Variants in GALK1 observed in about 807,000 individuals in gnomAD.
GALK1 encodes the protein galactokinase.
In GALK1, 30 loss-of-function variants were observed where a neutral mutation model predicts 38.6. The ratio of observed to expected loss-of-function variants is 0.78; its 90% CI spans 0.58 to 1.05. GALK1 has a LOEUF of 1.05. Ranked by LOEUF, GALK1 falls within the 50% of genes least tolerant of loss-of-function variation. GALK1 has a pLI of 0.00. For synonymous variants in GALK1, 240 were observed against 233.6 expected (o/e 1.03, Z -0.25); for missense variants, 512 against 540.5 (o/e 0.95, Z 0.52).
intron 5 of GALK1, among the ~76,000 whole-genome samples, chr17:75,760,133 G>A (rs1208921723): frequency 6.6e-6 from 1 of 152,034 alleles, no homozygotes; most frequent in Non-Finnish European, 1.5e-5. Flanking sequence ...TCACTTTGAG[G>A]CCCAGGCTGG....
At chr17:75,756,574 T>C (rs758775168), downstream of GALK1, 44 of 1,612,700 alleles carry the variant, frequency 2.7e-5, no homozygotes, top group Non-Finnish European at 3.7e-5. Flanking sequence ...TCATCACCAT[T>C]GAATCCCAGG....
Position 75,757,968 on chromosome 17 carries a change from C to G in GALK1, c.*88G>C. On this transcript the variant is annotated 3_prime_UTR_variant, in exon 8 of 8. Coordinates refer to ENST00000588479, the MANE Select transcript of GALK1 (RefSeq NM_000154.2). The stretch of plus-strand genomic sequence containing the variant: ...ATTGGAGGCACAAGTTTATTGAGCA[C>G]CCGGATATGGAAGATGGCACCGGGC... 6.9e-7 allele frequency: 1 copy of G among 1,457,024 alleles called. No homozygotes were observed. The highest frequency in any genetic ancestry group is 9.5e-7 in the Non-Finnish European group (1 of 1,052,510). The allele number at this position is 1,457,024 out of a possible 1,614,324, so 90.3% of individuals were successfully genotyped here.
chr17:75,757,086 A>T (rs935233504), downstream of GALK1: 1 of 1,612,720 alleles, frequency 6.2e-7, no homozygotes, highest in Non-Finnish European at 8.5e-7. Flanking sequence ...GGGCATCATC[A>T]CCATAGAGTC....
chr17:75,754,236 T>C (rs1400303015), downstream of GALK1, among the ~76,000 whole-genome samples: 1 of 152,060 alleles, frequency 6.6e-6, no homozygotes, highest in Non-Finnish European at 1.5e-5. Context: ...GGCACCCAAG[T>C]AGACCCCTCA....
At chr17:75,759,965 C>G (rs1433945744) in intron 5 of GALK1, among the ~76,000 whole-genome samples, 2 of 152,188 alleles carry the variant, frequency 1.3e-5, no homozygotes, top group African/African-American at 4.8e-5. Flanking sequence ...AAAAATATGA[C>G]AACTATGGTA....
chr17:75,754,053 C>T, downstream of GALK1: 1 of 671,346 alleles, frequency 1.5e-6, no homozygotes, highest in African/African-American at 1.9e-5. Flanking sequence ...TGGGCGTCTG[C>T]GCTGCCTCGG....
downstream of GALK1, chr17:75,755,976 C>A: frequency 8.4e-7 from 1 of 1,197,334 alleles, no homozygotes; most frequent in Non-Finnish European, 1.2e-6. Flanking sequence ...AGCCCCCATC[C>A]AGCCTGAGAG....
chr17:75,755,556 A>T, downstream of GALK1: 1 of 1,008,338 alleles, frequency 9.9e-7, no homozygotes, highest in African/African-American at 1.6e-5. Flanking sequence ...CAGCCTGGAC[A>T]GGGTGTTGCA....
chr17:75,755,142 TC>T (rs755667096), downstream of GALK1: 10 of 1,610,696 alleles, frequency 6.2e-6, no homozygotes, highest in Non-Finnish European at 7.6e-6. Flanking sequence ...ATGAAAGGGT[TC>T]CCCCCTTCCA....
chr17:75,759,433 A>AAAAG (rs1555748086), intron 5 of GALK1, among the ~76,000 whole-genome samples: 34 of 149,468 alleles, frequency 2.3e-4, no homozygotes, highest in African/African-American at 4.6e-4. Context: ...CTCTCAAAAA[A>AAAAG]AAAGAAAGAA....
intron 5 of GALK1, 50 bp from the exon 6 acceptor site, chr17:75,758,649 C>T (rs978329902): frequency 5.8e-6 from 9 of 1,550,722 alleles, no homozygotes; most frequent in African/African-American, 4.1e-5. Flanking sequence ...CCTGGGGCCC[C>T]GACGCCTGTG....
rs754967473 is a variant in GALK1, at chr17:75,758,272, C to T, written c.1045G>A (p.Gly349Ser). The change falls in exon 7 of 8, where the codon GGT (glycine) becomes AGT (serine). Residue 349 changes from glycine to serine, a missense_variant. By Grantham distance (56) the Gly-to-Ser change is moderately conservative. Coordinates refer to ENST00000588479, the MANE Select transcript of GALK1 (RefSeq NM_000154.2). ...TCCAGCAGTGTCACCGTGCAGCCAC[C>T]GAAGCCACCGCCCGTCATGCGGCTG... Reference protein sequence around the residue: ...YGSRMTGGGFGGCTVTLLEAS... With the variant: ...YGSRMTGGGFSGCTVTLLEAS... The T allele has an allele frequency of 3.0e-5, 48 of 1,593,542 alleles. No homozygotes were observed. Among genetic ancestry groups the T allele is most frequent in the East Asian group, 6.8e-5 (3 of 43,916 alleles).
downstream of GALK1, chr17:75,755,649 A>C: frequency 1.2e-6 from 2 of 1,608,786 alleles, no homozygotes; most frequent in Non-Finnish European, 1.7e-6. Context: ...TGTGACTCCC[A>C]CTGAGACCCT....
Position 75,762,607 on chromosome 17 carries a change from C to A in GALK1, c.793+97G>T. The A allele has an allele frequency of 3.1e-6, 4 of 1,294,008 alleles. No individual in the cohort carries two copies. In the South Asian group the frequency reaches 4.8e-5, roughly 15 times the overall value. The allele number at this position is 1,294,008 out of a possible 1,614,324, so 80.2% of individuals were successfully genotyped here. A position where few individuals can be genotyped will look rare whatever the true frequency, so the allele number is the denominator to read the frequency against. ...GGACTGGGGAGAGCATGGCAGAAGGCCCTGGAGATCGGGGTCCCAGGCAGG... is the reference window on the plus strand; with the variant it reads ...GGACTGGGGAGAGCATGGCAGAAGGACCTGGAGATCGGGGTCCCAGGCAGG... On this transcript the variant is annotated intron_variant, in intron 5 of 7. Coordinates refer to ENST00000588479, the MANE Select transcript of GALK1 (RefSeq NM_000154.2).
In GALK1 at chr17:75,757,919, A is replaced by G; in HGVS notation, c.*137T>C. 1.0e-6 allele frequency: 1 copy of G among 974,720 alleles called. No homozygotes were observed. Among genetic ancestry groups the G allele is most frequent in the Non-Finnish European group, 1.6e-6 (1 of 634,970 alleles). 60.4% of individuals were successfully genotyped at this position (974,720 alleles called of 1,614,324 possible). ...TTCTCTGACACCCAAGCATACACCC[A>G]CCTCTAGAGGAGGCAGGTACCACAT... is the stretch of plus-strand genomic sequence containing the variant. On this transcript the variant is annotated 3_prime_UTR_variant, in exon 8 of 8. Coordinates refer to ENST00000588479, the MANE Select transcript of GALK1 (RefSeq NM_000154.2).
At chr17:75,755,560 T>C, downstream of GALK1, 1 of 1,040,948 alleles carries the variant, frequency 9.6e-7, no homozygotes, top group Non-Finnish European at 1.4e-6. Flanking sequence ...CTGGACAGGG[T>C]GTTGCAGGGT....
chr17:75,755,347 C>G (rs2603501), downstream of GALK1: 13 of 947,394 alleles, frequency 1.4e-5, no homozygotes, highest in Non-Finnish European at 2.0e-5. Context: ...CCCACAGGCG[C>G]TAACCACCTG....
At chr17:75,753,500 T>C (rs820392), downstream of GALK1, among the ~76,000 whole-genome samples, 116,109 of 152,072 alleles carry the variant, frequency 0.76, 45,080 homozygotes, top group Non-Finnish European at 0.85. Context: ...TCCCCCAGGT[T>C]TCTGGCGGGT....
chr17:75,761,898 T>C (rs1226727000), intron 5 of GALK1, among the ~76,000 whole-genome samples: 1 of 151,872 alleles, frequency 6.6e-6, no homozygotes, highest in African/African-American at 2.4e-5. Flanking sequence ...CGGGCGCCTG[T>C]AGTCCCAGCT....
Sources: allele counts gnomAD v4.1 joint callset (sites outside exome capture counted in the v4.1 genomes callset), GRCh38; gene constraint gnomAD v4.1.1; transcripts MANE v1.5; gene names NCBI Gene and HGNC (gene_info 2026-07-23, HGNC 2026-07-21).